The following CFAP20DC variants were observed in gnomAD, a reference collection of about 807,000 sequenced individuals.
CFAP20DC encodes CFAP20 domain containing, also known as protein CFAP20DC.
A neutral mutation model predicts 101.7 loss-of-function variants in CFAP20DC; 84 were observed. The ratio of observed to expected loss-of-function variants is 0.83; its 90% CI spans 0.69 to 0.99. The LOEUF is 0.99. Ranked by LOEUF, CFAP20DC falls within the 50% of genes least tolerant of loss-of-function variation. The pLI is 0.00. For synonymous variants in CFAP20DC, 359 were observed against 351.2 expected (o/e 1.02, Z -0.25); for missense variants, 1,007 against 970.3 (o/e 1.04, Z -0.50).
At chr3:58,828,575 C>T (rs1022037342) in intron 14 of CFAP20DC, among the ~76,000 whole-genome samples, 1 of 152,180 alleles carries the variant, frequency 6.6e-6, no homozygotes, top group Non-Finnish European at 1.5e-5. Context: ...CATGTTCTCA[C>T]TTATAAGCAG....
At position 58,977,043 on chromosome 3, in the gene CFAP20DC, T is replaced by G. The variant is rs753139258; in HGVS notation, c.279-39281A>C. On this transcript the variant is annotated intron_variant, in intron 4 of 16. Coordinates refer to ENST00000482387, the MANE Select transcript of CFAP20DC (RefSeq NM_001394063.1). ...ATTAATAGTACAAGTGTTTGGGGTC[T>G]TTATTTAGAAGCCTGGTGATATTTT... 2.6e-5 allele frequency among the ~76,000 whole-genome samples: 4 copies of G among 152,232 alleles called. No individual in the cohort carries two copies. In the South Asian group the frequency reaches 8.3e-4, roughly 32 times the overall value.
At chr3:59,028,085 T>C (rs2093924551) in intron 4 of CFAP20DC, among the ~76,000 whole-genome samples, 2 of 152,342 alleles carry the variant, frequency 1.3e-5, no homozygotes, top group South Asian at 4.1e-4. Context: ...TTCTATGTGT[T>C]AGTACAGTAA....
intron 15 of CFAP20DC, among the ~76,000 whole-genome samples, chr3:58,761,861 T>G (rs1194116987): frequency 1.3e-5 from 2 of 152,214 alleles, no homozygotes; most frequent in Non-Finnish European, 2.9e-5. Flanking sequence ...GTGAGTTTCT[T>G]AATCCTGAGT....
intron 14 of CFAP20DC, among the ~76,000 whole-genome samples, chr3:58,818,882 T>C (rs1290726088): frequency 3.5e-5 from 5 of 140,856 alleles, no homozygotes; most frequent in African/African-American, 8.0e-5. Flanking sequence ...ATTGACCACA[T>C]ACTGGGAAGT....
chr3:58,854,178 T>C (rs920839643), intron 12 of CFAP20DC, among the ~76,000 whole-genome samples: 5 of 152,016 alleles, frequency 3.3e-5, no homozygotes, highest in Non-Finnish European at 7.4e-5. Flanking sequence ...ACAAGCATTC[T>C]GATACACCAA....
chr3:58,994,186 A>G (rs111710080), intron 4 of CFAP20DC, among the ~76,000 whole-genome samples: 4 of 152,362 alleles, frequency 2.6e-5, no homozygotes, highest in African/African-American at 9.6e-5. Flanking sequence ...ATACATGCAC[A>G]CAAACACATG....
At chr3:58,747,768 A>G (rs1452882357) in intron 16 of CFAP20DC, among the ~76,000 whole-genome samples, 5 of 152,158 alleles carry the variant, frequency 3.3e-5, no homozygotes, top group African/African-American at 9.7e-5. Flanking sequence ...TACCACCAAC[A>G]TATCTCACAG....
intron 4 of CFAP20DC, chr3:59,017,323 T>G (rs556767824): frequency 6.6e-6 from 1 of 152,276 alleles, no homozygotes; most frequent in South Asian, 2.1e-4. Context: ...GCTGCATCAC[T>G]GCCCCTTGAG....
chr3:58,835,321 A>T (rs1483448868), intron 13 of CFAP20DC, among the ~76,000 whole-genome samples: 2 of 152,178 alleles, frequency 1.3e-5, no homozygotes, highest in Admixed American at 6.5e-5. Flanking sequence ...GTGGAATTAG[A>T]AAAAACCTCA....
intron 15 of CFAP20DC, among the ~76,000 whole-genome samples, chr3:58,779,903 C>T (rs1341358596): frequency 1.3e-5 from 2 of 151,998 alleles, no homozygotes; most frequent in Non-Finnish European, 2.9e-5. Context: ...CTCCCTGGCA[C>T]AGTATAGTAA....
In CFAP20DC at chr3:58,869,734, C is replaced by T. The variant is rs1395636578; in HGVS notation, c.853-244G>A. On this transcript the variant is annotated intron_variant, in intron 8 of 16. Transcript: ENST00000482387. This position sits in a 1 kb window ranked among gnomAD's most constrained non-coding sequence, Gnocchi z 4.3. ...ACATAAATTAAAATGTGCTTATTTG[C>T]TACACTCCATCTTCAGTAGGTAGAA... Among the ~76,000 whole-genome samples the T allele has an allele frequency of 6.6e-6, 1 of 152,060 alleles. No individual in the cohort carries two copies. Among genetic ancestry groups the T allele is most frequent in the South Asian group, 2.1e-4 (1 of 4,826 alleles).
At chr3:58,754,186 G>A (rs565291098) in intron 15 of CFAP20DC, among the ~76,000 whole-genome samples, 4 of 152,304 alleles carry the variant, frequency 2.6e-5, no homozygotes, top group Non-Finnish European at 4.4e-5. Context: ...ACGTAGCTGA[G>A]ATGAAGCTCC....
intron 15 of CFAP20DC, among the ~76,000 whole-genome samples, chr3:58,778,249 T>C (rs1316158540): frequency 6.6e-6 from 1 of 152,178 alleles, no homozygotes; most frequent in Non-Finnish European, 1.5e-5. Context: ...AGTGCCTGCA[T>C]GCATCACTGT....
intron 6 of CFAP20DC, among the ~76,000 whole-genome samples, chr3:58,890,616 C>T (rs1488351912): frequency 8.6e-5 from 13 of 151,488 alleles, no homozygotes; most frequent in African/African-American, 2.9e-4. Context: ...CGGAGACGCT[C>T]CTCACTTCCC....
intron 5 of CFAP20DC, among the ~76,000 whole-genome samples, chr3:58,929,868 C>G (rs1024057742): frequency 1.3e-5 from 2 of 152,142 alleles, no homozygotes. Flanking sequence ...TTGCCACGCT[C>G]CCTAAATACT....
chr3:58,824,084 T>C (rs565037020), intron 14 of CFAP20DC, among the ~76,000 whole-genome samples: 1 of 152,166 alleles, frequency 6.6e-6, no homozygotes, highest in Non-Finnish European at 1.5e-5. Flanking sequence ...GACTCTAATA[T>C]CAGTTTTCGT....
At chr3:58,924,357 T>G (rs2085718276) in intron 5 of CFAP20DC, among the ~76,000 whole-genome samples, 1 of 152,136 alleles carries the variant, frequency 6.6e-6, no homozygotes, top group Non-Finnish European at 1.5e-5. Context: ...AGTTATTTTG[T>G]TTAGGATAAT....
intron 6 of CFAP20DC, among the ~76,000 whole-genome samples, chr3:58,909,982 G>T (rs2083984058): frequency 6.6e-6 from 1 of 152,140 alleles, no homozygotes; most frequent in South Asian, 2.1e-4. Context: ...AGAACATGCA[G>T]TGTTTGGTTT....
rs896726818 is a variant in CFAP20DC at position 58,718,187 on chromosome 3, A to G, written c.198-559T>C. Among the ~76,000 whole-genome samples the G allele has an allele frequency of 2.0e-5, 3 of 152,226 alleles. No homozygotes were observed. The East Asian group carries it at 5.8e-4, about 29-fold the overall frequency. Reference sequence around the variant, plus strand: ...ATAAAAATGTGGTAGGATTATAAAAATCACTCACACTGCACCCAGATGGCA... The same window carrying G: ...ATAAAAATGTGGTAGGATTATAAAAGTCACTCACACTGCACCCAGATGGCA... On this transcript the variant is annotated intron_variant, in intron 3 of 3. Transcript: ENST00000486145.
Sources: gnomAD v4.1 joint callset for allele counts (sites outside exome capture counted in the v4.1 genomes callset) on GRCh38, gnomAD v4.1.1 for gene constraint, Gnocchi (gnomAD v3.1) non-coding constraint, MANE v1.5 for transcripts, NCBI Gene and HGNC (gene_info 2026-07-23, HGNC 2026-07-21) for gene names.